NQO2: variants seen among roughly 807,000 people sequenced by gnomAD.
NQO2 encodes the protein ribosyldihydronicotinamide dehydrogenase [quinone].
A neutral mutation model predicts 22.0 loss-of-function variants in NQO2; 18 were observed. That is an observed-to-expected ratio of 0.82 (90% confidence interval 0.56 to 1.21). The LOEUF is 1.21. Among genes scored for constraint, NQO2 ranks in the 50% most tolerant of loss-of-function variants. The pLI, the probability that NQO2 is intolerant of heterozygous loss-of-function variation, is 0.00. For missense variants in NQO2, 267 were observed against 286.9 expected (o/e 0.93, Z 0.50); for synonymous variants, 106 against 110.8 (o/e 0.96, Z 0.28).
intron 1 of NQO2, among the ~76,000 whole-genome samples, chr6:3,000,951 T>TC (rs1410950768): frequency 2.0e-5 from 3 of 151,722 alleles, no homozygotes; most frequent in South Asian, 4.2e-4. Context: ...CAAGCGATTC[T>TC]CCCCCCTCAG....
rs568978837 is a variant in NQO2, at chr6:3,012,674, G to A, written c.303G>A (p.Gln101=). 1.9e-6 allele frequency: 3 copies of A among 1,611,362 alleles called. No individual in the cohort carries two copies. Among genetic ancestry groups the A allele is most frequent in the Non-Finnish European group, 2.5e-6 (3 of 1,178,968 alleles). The part of the protein sequence containing the change: ...KVREADLVIF[Q]FPLYWFSVPA... ...GGGAGGCTGACCTAGTGATATTTCA[G>A]GTTTGTTTTTCTCTAATTAATATAT... Residue 101 remains glutamine, a splice_region_variant and synonymous_variant, in exon 4 of 7, where the codon CAG becomes CAA. Coordinates refer to ENST00000380455, the MANE Select transcript of NQO2 (RefSeq NM_000904.6).
chr6:3,017,472 A>T (rs890505754), intron 6 of NQO2, among the ~76,000 whole-genome samples: 1 of 151,820 alleles, frequency 6.6e-6, no homozygotes, highest in African/African-American at 2.4e-5. Flanking sequence ...GGCCATGCCA[A>T]CCCCCACAGG....
At chr6:3,009,216 C>T (rs573499584) in intron 2 of NQO2, among the ~76,000 whole-genome samples, 1 of 152,336 alleles carries the variant, frequency 6.6e-6, no homozygotes, top group Non-Finnish European at 1.5e-5. Flanking sequence ...TTCTCTTTCT[C>T]AGGGATGTTC....
chr6:3,011,487 G>C (rs769770226), intron 3 of NQO2, among the ~76,000 whole-genome samples: 3 of 152,150 alleles, frequency 2.0e-5, no homozygotes, highest in Non-Finnish European at 2.9e-5. Context: ...AGAATGATTG[G>C]TGCTTAAGAG....
At chr6:3,014,084 C>A (rs1228474774) in intron 4 of NQO2, among the ~76,000 whole-genome samples, 6 of 152,342 alleles carry the variant, frequency 3.9e-5, no homozygotes, top group Admixed American at 3.9e-4. Flanking sequence ...TCGCATGAGT[C>A]CGCCATGTGA....
In NQO2 at chr6:3,010,075, G is replaced by T; in HGVS notation, c.58G>T (p.Gly20Ter). The change falls in exon 3 of 7, where the codon GGA (glycine) becomes TGA (stop). Residue 20 changes from glycine (G) to a stop codon, truncating the protein, a stop_gained. Coordinates refer to ENST00000380455, the MANE Select transcript of NQO2 (RefSeq NM_000904.6). LOFTEE classifies it high-confidence loss of function. Reference protein sequence around the residue: ...YAHQEPKSFNGSLKNVAVDEL... With the variant: ...YAHQEPKSFN ...ACACCAGGAACCCAAGTCTTTCAAC[G>T]GATCCTTGAAGAATGTGGCTGTAGA... 6.2e-7 allele frequency: 1 copy of T among 1,614,024 alleles called. No homozygotes were observed. Among genetic ancestry groups the T allele is most frequent in the Non-Finnish European group, 8.5e-7 (1 of 1,179,992 alleles).
At chr6:3,008,628 A>G (rs1205861731) in intron 2 of NQO2, among the ~76,000 whole-genome samples, 1 of 152,248 alleles carries the variant, frequency 6.6e-6, no homozygotes, top group East Asian at 1.9e-4. Flanking sequence ...GCACACATCT[A>G]TCGGGGGAAA....
rs982246803 is a variant in NQO2 at position 3,015,286 on chromosome 6, CAG to C, written c.304-243_304-242del. 2.3e-5 allele frequency: 34 copies of C among 1,448,640 alleles called. No homozygotes were observed. The African/African-American group carries it at 4.1e-4, about 17-fold the overall frequency. The allele number at this position is 1,448,640 out of a possible 1,614,324, so 89.7% of individuals were successfully genotyped here. A position where few individuals can be genotyped will look rare whatever the true frequency, so the allele number is the denominator to read the frequency against. The stretch of plus-strand genomic sequence containing the variant: ...CTCCCTGCCTGCCCAGGGCCAGCAT[CAG>C]GGGCTGTCATCACTGGGGGATGCAG... On this transcript the variant is annotated intron_variant, in intron 4 of 6. Coordinates refer to ENST00000380455, the MANE Select transcript of NQO2 (RefSeq NM_000904.6).
At chr6:3,009,109 A>G (rs552418050) in intron 2 of NQO2, among the ~76,000 whole-genome samples, 10 of 152,310 alleles carry the variant, frequency 6.6e-5, no homozygotes, top group Admixed American at 5.2e-4. Flanking sequence ...TGGGAGCGCT[A>G]CGGGAGACTG....
chr6:3,016,814 G>A, intron 5 of NQO2, 70 bp from the exon 6 acceptor site: 1 of 1,582,058 alleles, frequency 6.3e-7, no homozygotes, highest in Non-Finnish European at 8.6e-7. Context: ...GAGCCCGTGT[G>A]CTGGAGGCTC....
intron 6 of NQO2, among the ~76,000 whole-genome samples, chr6:3,017,973 A>G (rs959582330): frequency 6.6e-6 from 1 of 152,136 alleles, no homozygotes; most frequent in Admixed American, 6.5e-5. Flanking sequence ...TAATCCTATT[A>G]TGTCCTTTCA....
chr6:3,006,470 T>C lies in NQO2; in HGVS notation c.-83T>C, dbSNP rs373780532. The C allele has an allele frequency of 5.5e-5, 89 of 1,607,886 alleles. No individual in the cohort carries two copies. The highest frequency in any genetic ancestry group is 7.2e-5 in the Non-Finnish European group (85 of 1,177,460). On this transcript the variant is annotated splice_region_variant and 5_prime_UTR_variant, in exon 2 of 7. Coordinates refer to ENST00000380455, the MANE Select transcript of NQO2 (RefSeq NM_000904.6). This position sits in a 1 kb window ranked among gnomAD's most constrained non-coding sequence, Gnocchi z 4.0. ...TCTGGGTTCGTTTTGTCTTCCAGAT[T>C]GCTGGACTCGCTGAAGAGAGACTAC...
chr6:3,012,946 C>T (rs1488245247), intron 4 of NQO2, among the ~76,000 whole-genome samples: 16 of 60,712 alleles, frequency 2.6e-4, no homozygotes, highest in Non-Finnish European at 3.3e-4. Context: ...TGTAACACTA[C>T]TTTTTTTTTT....
At chr6:3,002,619 T>C (rs959593723) in intron 1 of NQO2, among the ~76,000 whole-genome samples, 1 of 151,534 alleles carries the variant, frequency 6.6e-6, no homozygotes, top group Non-Finnish European at 1.5e-5. Context: ...GATCATTCCA[T>C]ATTACTCTCC....
intron 1 of NQO2, among the ~76,000 whole-genome samples, chr6:3,001,806 T>C (rs1756738921): frequency 6.6e-6 from 1 of 152,186 alleles, no homozygotes; most frequent in Admixed American, 6.5e-5. Flanking sequence ...CATGGCTCTT[T>C]TTTCCTGTAG....
chr6:3,008,380 C>T (rs1757019887), intron 2 of NQO2, among the ~76,000 whole-genome samples: 1 of 150,916 alleles, frequency 6.6e-6, no homozygotes, highest in Non-Finnish European at 1.5e-5. Context: ...GATCGTTGCT[C>T]CAGCCTGGGC....
At chr6:3,016,842 C>T (rs1386705381) in intron 5 of NQO2, 42 bp from the exon 6 acceptor site, 7 of 1,607,210 alleles carry the variant, frequency 4.4e-6, no homozygotes, top group Non-Finnish European at 4.2e-6. Context: ...TTTCTGTCCT[C>T]TTCTGGAGTC....
intron 4 of NQO2, chr6:3,015,190 A>G: frequency 1.5e-6 from 2 of 1,333,920 alleles, no homozygotes; most frequent in Non-Finnish European, 9.8e-7. Context: ...GCTTTTCCAT[A>G]CTCTTCCTTT....
chr6:3,002,461 A>G (rs1756766550), intron 1 of NQO2, among the ~76,000 whole-genome samples: 1 of 152,088 alleles, frequency 6.6e-6, no homozygotes. Context: ...GGCACATGCC[A>G]CCATACCCGG....
Sources: allele counts gnomAD v4.1 joint callset (sites outside exome capture counted in the v4.1 genomes callset), GRCh38; gene constraint gnomAD v4.1.1; non-coding constraint Gnocchi (gnomAD v3.1); transcripts MANE v1.5; gene names NCBI Gene and HGNC (gene_info 2026-07-23, HGNC 2026-07-21).